ARHGAP26: variants seen among roughly 807,000 people sequenced by gnomAD.
The protein encoded by ARHGAP26 is rho GTPase-activating protein 26.
A neutral mutation model predicts 104.8 loss-of-function variants in ARHGAP26; 38 were observed. That is an observed-to-expected ratio of 0.36 (90% confidence interval 0.28 to 0.48). ARHGAP26 has a LOEUF of 0.48. ARHGAP26 is among the 20% of genes least tolerant of loss of function. The probability of loss-of-function intolerance (pLI) is 0.99; values close to 1 mark genes in which losing one functional copy is unlikely to be tolerated. For synonymous variants in ARHGAP26, 341 were observed against 340.0 expected, an observed-to-expected ratio of 1.00 and a Z score of -0.03; for missense variants, 704 against 947.9, an observed-to-expected ratio of 0.74 and a Z score of 3.38.
At chr5:142,993,792 C>G (rs1015854688) in intron 11 of ARHGAP26, among the ~76,000 whole-genome samples, 4 of 150,376 alleles carry the variant, frequency 2.7e-5, no homozygotes, top group Admixed American at 6.7e-5. Flanking sequence ...ACTACAGGTG[C>G]ATGCCATCAT....
chr5:142,779,856 A>G lies in ARHGAP26; in HGVS notation c.154+8941A>G, dbSNP rs180719383. Among the ~76,000 whole-genome samples the G allele has an allele frequency of 1.5e-3, 227 of 152,380 alleles. 3 individuals are homozygous for G. In the South Asian group the frequency reaches 0.019, roughly 13 times the overall value. On this transcript the variant is annotated intron_variant, in intron 1 of 22. Transcript: ENST00000645722. ...TATCACACTTGTGGGTCAGGGGTAG[A>G]CAATGAATATTAGTCGAACAAATAA...
intron 1 of ARHGAP26, among the ~76,000 whole-genome samples, chr5:142,856,708 T>C (rs1040597130): frequency 6.6e-6 from 1 of 152,182 alleles, no homozygotes; most frequent in African/African-American, 2.4e-5. Context: ...ATAACAACGA[T>C]TTACATAGCA....
chr5:142,868,894 T>C (rs1278919636), intron 1 of ARHGAP26: 3 of 152,534 alleles, frequency 2.0e-5, no homozygotes, highest in African/African-American at 7.2e-5. Context: ...GTAAGCCAGC[T>C]TGTGTTTCCT....
At chr5:142,837,504 C>T (rs889376189) in intron 1 of ARHGAP26, among the ~76,000 whole-genome samples, 10 of 152,060 alleles carry the variant, frequency 6.6e-5, no homozygotes, top group Admixed American at 2.6e-4. Flanking sequence ...CTTCACTTGG[C>T]GATGATAAGA....
At chr5:142,941,639 A>G (rs1435736878) in intron 11 of ARHGAP26, among the ~76,000 whole-genome samples, 1 of 152,232 alleles carries the variant, frequency 6.6e-6, no homozygotes, top group Non-Finnish European at 1.5e-5. Flanking sequence ...CAATGCACTG[A>G]AGTCTTACAT....
At chr5:142,952,428 G>A (rs1296881541) in intron 11 of ARHGAP26, among the ~76,000 whole-genome samples, 1 of 152,096 alleles carries the variant, frequency 6.6e-6, no homozygotes, top group Admixed American at 6.5e-5. Context: ...CTGTTTTGGT[G>A]TTTGCCTAGA....
At chr5:142,808,159 C>T (rs1232828535) in intron 1 of ARHGAP26, among the ~76,000 whole-genome samples, 4 of 133,280 alleles carry the variant, frequency 3.0e-5, no homozygotes, top group Non-Finnish European at 6.1e-5. Flanking sequence ...GGCATGAACC[C>T]GGGAGGCAGA....
At chr5:143,172,517 G>T (rs1802920168) in intron 20 of ARHGAP26, among the ~76,000 whole-genome samples, 1 of 152,180 alleles carries the variant, frequency 6.6e-6, no homozygotes, top group South Asian at 2.1e-4. Context: ...ATATTAATTT[G>T]TCATGTGAAT....
intron 9 of ARHGAP26, 32 bp from the exon 10 acceptor site, chr5:142,913,167 C>A (rs749445803): frequency 6.3e-7 from 1 of 1,578,824 alleles, no homozygotes; most frequent in South Asian, 1.1e-5. Flanking sequence ...CCCATTCTGG[C>A]CTCATCTTGA....
At chr5:142,860,067 G>A (rs1258777919) in intron 1 of ARHGAP26, 2 of 152,188 alleles carry the variant, frequency 1.3e-5, no homozygotes, top group African/African-American at 4.8e-5. Context: ...TCTGTGCACT[G>A]GGGCCACAAG....
At chr5:143,205,443 A>G (rs150856375) in intron 20 of ARHGAP26, among the ~76,000 whole-genome samples, 1 of 152,262 alleles carries the variant, frequency 6.6e-6, no homozygotes, top group East Asian at 1.9e-4. Flanking sequence ...ATTTTGTTGG[A>G]ATTTAGAATA....
intron 14 of ARHGAP26, among the ~76,000 whole-genome samples, chr5:143,049,819 G>A (rs1406352659): frequency 6.6e-6 from 1 of 152,174 alleles, no homozygotes; most frequent in Non-Finnish European, 1.5e-5. Context: ...ATTTGGTCAT[G>A]GTCCTGGGAG....
intron 1 of ARHGAP26, among the ~76,000 whole-genome samples, chr5:142,821,322 TTTTTTA>T: frequency 6.8e-6 from 1 of 146,556 alleles, no homozygotes; most frequent in African/African-American, 2.6e-5. Context: ...TTTTTTTTTT[TTTTTTA>T]AACTTGGCAT....
At chr5:143,141,406 T>G (rs1159547340) in intron 19 of ARHGAP26, among the ~76,000 whole-genome samples, 1 of 152,284 alleles carries the variant, frequency 6.6e-6, no homozygotes, top group Non-Finnish European at 1.5e-5. Flanking sequence ...GCAGATCGAT[T>G]GGACATTTAC....
chr5:143,015,320 A>G (rs564639139), intron 12 of ARHGAP26, among the ~76,000 whole-genome samples: 3 of 152,356 alleles, frequency 2.0e-5, no homozygotes, highest in African/African-American at 4.8e-5. Context: ...ATGAAGGAAT[A>G]TGTAAGGCTG....
intron 14 of ARHGAP26, among the ~76,000 whole-genome samples, chr5:143,043,382 T>C (rs1194853413): frequency 6.6e-6 from 1 of 152,250 alleles, no homozygotes; most frequent in East Asian, 1.9e-4. Context: ...TATTAATAGT[T>C]CTTTTTTATT....
At chr5:143,085,087 T>C (rs1034137286) in intron 17 of ARHGAP26, among the ~76,000 whole-genome samples, 1 of 148,432 alleles carries the variant, frequency 6.7e-6, no homozygotes, top group African/African-American at 2.5e-5. Flanking sequence ...TCTGCACGGG[T>C]AGAGTTTCCT....
chr5:143,194,974 G>A (rs1806584469), intron 20 of ARHGAP26, among the ~76,000 whole-genome samples: 1 of 152,162 alleles, frequency 6.6e-6, no homozygotes, highest in South Asian at 2.1e-4. Flanking sequence ...AGATATAAAT[G>A]GAGTAGAGAA....
intron 14 of ARHGAP26, among the ~76,000 whole-genome samples, chr5:143,042,159 GCA>G (rs1783564202): frequency 6.6e-6 from 1 of 152,126 alleles, no homozygotes; most frequent in Non-Finnish European, 1.5e-5. Context: ...GGTCCAAGTG[GCA>G]CTCAGTCACT....
Sources: allele counts gnomAD v4.1 joint callset (sites outside exome capture counted in the v4.1 genomes callset), GRCh38; gene constraint gnomAD v4.1.1; transcripts MANE v1.5; gene names NCBI Gene and HGNC (gene_info 2026-07-23, HGNC 2026-07-21).